Variants in LYRM4 observed in about 807,000 individuals in gnomAD.
LYRM4 encodes the protein LYR motif containing 4.
A neutral mutation model predicts 11.7 loss-of-function variants in LYRM4; 9 were observed. That is an observed-to-expected ratio of 0.77 (90% CI 0.46 to 1.34). The LOEUF (loss-of-function observed/expected upper bound fraction) is 1.34. LYRM4 is among the 40% of genes most tolerant of loss of function. The probability of loss-of-function intolerance (pLI) is 0.00; values close to 1 mark genes in which losing one functional copy is unlikely to be tolerated. For synonymous variants in LYRM4, 42 were observed against 40.4 expected (o/e 1.04, Z -0.15); for missense variants, 133 against 112.5 (o/e 1.18, Z -0.82).
the LYRM4 span, chr6:5,065,935 A>C: frequency 4.5e-6 from 1 of 223,490 alleles, no homozygotes; most frequent in Non-Finnish European, 9.2e-6. Context: ...TTGCATCAAT[A>C]TATCCATTGC....
At chr6:5,077,113 T>A in the LYRM4 span, among the ~76,000 whole-genome samples, 108,853 of 152,104 alleles carry the variant, frequency 0.72, 39,750 homozygotes, top group East Asian at 0.9. Context: ...CTGGAGCAGG[T>A]TGGGGTCAGC....
intron 2 of LYRM4, among the ~76,000 whole-genome samples, chr6:5,215,921 A>T (rs1005038681): frequency 6.6e-6 from 1 of 152,264 alleles, no homozygotes; most frequent in Admixed American, 6.5e-5. Flanking sequence ...GAGAGCAAGA[A>T]AACCCATCAG....
chr6:5,185,972 C>A (rs1480072203), intron 2 of LYRM4, among the ~76,000 whole-genome samples: 1 of 152,050 alleles, frequency 6.6e-6, no homozygotes, highest in African/African-American at 2.4e-5. Flanking sequence ...GAGTGGCCAG[C>A]CAGAATGGTC....
At chr6:5,260,600 C>CCCCGGG in intron 1 of LYRM4, 48 bp downstream of exon 1, 1 of 1,188,318 alleles carries the variant, frequency 8.4e-7, no homozygotes, top group Non-Finnish European at 1.2e-6. Context: ...ACCCCCGGTC[C>CCCCGGG]CCGGCCCCTG....
At chr6:5,071,818 G>T in the LYRM4 span, among the ~76,000 whole-genome samples, 1 of 151,928 alleles carries the variant, frequency 6.6e-6, no homozygotes, top group African/African-American at 2.4e-5. Flanking sequence ...TTGTGTGTGT[G>T]TTTTTAGTAG....
chr6:5,260,496 C>A, intron 1 of LYRM4, 152 bp downstream of exon 1: 1 of 1,042,098 alleles, frequency 9.6e-7, no homozygotes, highest in East Asian at 2.6e-5. Context: ...TAGGCAGGAG[C>A]ACGCTTTTCG....
At chr6:5,216,507 T>C (rs562209020) in intron 2 of LYRM4, 111 bp downstream of exon 2, 13 of 1,247,770 alleles carry the variant, frequency 1.0e-5, no homozygotes, top group African/African-American at 1.5e-5. Flanking sequence ...CAGAGTTTCA[T>C]GATCCTGCTC....
chr6:5,138,611 G>T, intron 2 of LYRM4: 1 of 659,398 alleles, frequency 1.5e-6, no homozygotes, highest in South Asian at 3.4e-5. Flanking sequence ...TAAGTCACAA[G>T]AAAACCTTAT....
At position 5,138,487 on chromosome 6, in the gene LYRM4, C is replaced by CAAAAA. The variant is rs765741377; in HGVS notation, c.208-29001_208-28997dup. Among the ~76,000 whole-genome samples the CAAAAA allele has an allele frequency of 5.3e-3, 262 of 49,692 alleles. 8 individuals carry two copies. The highest frequency in any genetic ancestry group is 7.0e-3 in the Non-Finnish European group (210 of 29,958). 32.6% of individuals were successfully genotyped at this position (49,692 alleles called of 152,430 possible). ...GGCCAACAGAGTGAGACCCTGTCTC[C>CAAAAA]AAAAAAAAAAAAAAAAAAAAAAAAA... On this transcript the variant is annotated intron_variant, in intron 2 of 2. Coordinates refer to ENST00000330636, the MANE Select transcript of LYRM4 (RefSeq NM_020408.6).
chr6:5,086,482 T>C, the LYRM4 span: 5 of 1,537,388 alleles, frequency 3.3e-6, no homozygotes, highest in Non-Finnish European at 4.4e-6. Flanking sequence ...CTGCTACCGC[T>C]GCGCGCAGGG....
intron 2 of LYRM4, among the ~76,000 whole-genome samples, chr6:5,185,013 T>C (rs1258103446): frequency 6.6e-6 from 1 of 152,154 alleles, no homozygotes; most frequent in Non-Finnish European, 1.5e-5. Flanking sequence ...GTCCCTTCCT[T>C]ATGCCCTGCT....
At position 5,221,812 on chromosome 6, in the gene LYRM4, T is replaced by C. The variant is rs1357199034; in HGVS notation, c.87-5074A>G. 2.0e-5 allele frequency among the ~76,000 whole-genome samples: 3 copies of C among 152,240 alleles called. No homozygotes were observed. In the East Asian group the frequency reaches 5.8e-4, roughly 29 times the overall value. ...AAGTCAAATACTTAGAGACTCATCC[T>C]AAATTCTTTCCTTTCCCAGAACTCC... On this transcript the variant is annotated intron_variant, in intron 1 of 2. Coordinates refer to ENST00000330636, the MANE Select transcript of LYRM4 (RefSeq NM_020408.6).
At chr6:5,057,401 A>G in the LYRM4 span, among the ~76,000 whole-genome samples, 8 of 151,842 alleles carry the variant, frequency 5.3e-5, no homozygotes, top group African/African-American at 1.5e-4. Flanking sequence ...ACACCAAGGG[A>G]CTCTAGCTTT....
the LYRM4 span, among the ~76,000 whole-genome samples, chr6:5,053,276 A>T: frequency 6.6e-6 from 1 of 152,212 alleles, no homozygotes; most frequent in East Asian, 1.9e-4. Flanking sequence ...AGTGAGACAG[A>T]TAAACCCTTT....
chr6:5,194,725 A>AATTTT lies in LYRM4; in HGVS notation c.207+21888_207+21892dup, dbSNP rs796992560. On this transcript the variant is annotated intron_variant, in intron 2 of 2. Transcript: ENST00000330636. Reference sequence around the variant, plus strand: ...ATTAGGAAAATATAGAAACACTGTGAATTTTATTTTATTTTATGGGTAGGG... The same window carrying AATTTT: ...ATTAGGAAAATATAGAAACACTGTGAATTTTATTTTATTTTATTTTATGGGTAGGG... 6.6e-5 allele frequency among the ~76,000 whole-genome samples: 10 copies of AATTTT among 152,278 alleles called. No homozygotes were observed. In the South Asian group the frequency reaches 1.4e-3, roughly 22 times the overall value.
At chr6:5,122,888 C>T (rs1407799200) in intron 2 of LYRM4, among the ~76,000 whole-genome samples, 1 of 152,244 alleles carries the variant, frequency 6.6e-6, no homozygotes, top group Admixed American at 6.5e-5. Context: ...ACTGTCTCCT[C>T]CCAATGGCTG....
chr6:5,109,603 T>G, intron 2 of LYRM4, 112 bp from the exon 3 acceptor site: 2 of 1,113,492 alleles, frequency 1.8e-6, no homozygotes, highest in Non-Finnish European at 2.7e-6. Context: ...ATCCCAGGGC[T>G]GCTCCCTTCC....
At chr6:5,082,175 C>A in the LYRM4 span, among the ~76,000 whole-genome samples, 1 of 152,164 alleles carries the variant, frequency 6.6e-6, no homozygotes, top group Non-Finnish European at 1.5e-5. Context: ...GGCAGAAATG[C>A]AGGCAGCCTG....
At chr6:5,149,891 T>C (rs1757992021) in intron 2 of LYRM4, among the ~76,000 whole-genome samples, 1 of 152,214 alleles carries the variant, frequency 6.6e-6, no homozygotes, top group Non-Finnish European at 1.5e-5. Flanking sequence ...GTACTACGTT[T>C]GTTACACCTC....
Sources: gnomAD v4.1 joint callset for allele counts (sites outside exome capture counted in the v4.1 genomes callset) on GRCh38, gnomAD v4.1.1 for gene constraint, MANE v1.5 for transcripts, NCBI Gene and HGNC (gene_info 2026-07-23, HGNC 2026-07-21) for gene names.